LOC728743: variants seen among roughly 807,000 people sequenced by gnomAD.
the LOC728743 span, among the ~76,000 whole-genome samples, chr7:150,408,655 A>G: frequency 6.6e-6 from 1 of 152,192 alleles, no homozygotes; most frequent in Non-Finnish European, 1.5e-5. Flanking sequence ...GTCAGAGTTG[A>G]AAGAGACTTG....
the LOC728743 span, chr7:150,404,896 C>G: frequency 6.6e-6 from 1 of 152,322 alleles, no homozygotes; most frequent in African/African-American, 2.4e-5. Flanking sequence ...TCGCCCAGGG[C>G]CGCTCCGCCG....
At chr7:150,402,384 C>G in the LOC728743 span, among the ~76,000 whole-genome samples, 1 of 152,218 alleles carries the variant, frequency 6.6e-6, no homozygotes, top group Non-Finnish European at 1.5e-5. Context: ...GCAGCTTTGC[C>G]TGCACCTCCT....
chr7:150,408,382 C>T, the LOC728743 span: 2 of 361,996 alleles, frequency 5.5e-6, no homozygotes, highest in African/African-American at 2.1e-5. Context: ...CGCCAGGCTC[C>T]GGCCGCCCGC....
At chr7:150,406,678 G>A in the LOC728743 span, among the ~76,000 whole-genome samples, 1 of 152,142 alleles carries the variant, frequency 6.6e-6, no homozygotes, top group South Asian at 2.1e-4. Context: ...CAATTTAAGA[G>A]GAACACAGTG....
chr7:150,404,320 A>G, the LOC728743 span, among the ~76,000 whole-genome samples: 1 of 152,138 alleles, frequency 6.6e-6, no homozygotes, highest in East Asian at 1.9e-4. Context: ...CCCTGTCGTC[A>G]CACACTATTT....
chr7:150,409,822 C>T, the LOC728743 span, among the ~76,000 whole-genome samples: 2 of 152,138 alleles, frequency 1.3e-5, no homozygotes, highest in African/African-American at 2.4e-5. Context: ...CCCCTCTGCC[C>T]ATCCTCAGTG....
At chr7:150,409,140 A>AGGGG in the LOC728743 span, among the ~76,000 whole-genome samples, 2 of 112,106 alleles carry the variant, frequency 1.8e-5, no homozygotes, top group East Asian at 5.5e-4. Flanking sequence ...GGTGTTTTCA[A>AGGGG]GGGAGGGGGG....
chr7:150,405,187 A>C, the LOC728743 span: 1 of 152,152 alleles, frequency 6.6e-6, no homozygotes, highest in Admixed American at 6.5e-5. Context: ...CAGCGCTGGC[A>C]GCCCCGTTTT....
chr7:150,403,049 A>C, the LOC728743 span, among the ~76,000 whole-genome samples: 2 of 152,184 alleles, frequency 1.3e-5, no homozygotes, highest in African/African-American at 4.8e-5. The surrounding 1 kb of genome is among the most constrained non-coding windows in gnomAD (Gnocchi z 5.1). Flanking sequence ...CTGTCAGAAT[A>C]GTGGTGATCC....
chr7:150,406,436 A>AG, the LOC728743 span, among the ~76,000 whole-genome samples: 1 of 152,040 alleles, frequency 6.6e-6, no homozygotes. Flanking sequence ...GGATGGTGGC[A>AG]GTGGGGGGTG....
At chr7:150,404,886 T>A in the LOC728743 span, 1 of 152,274 alleles carries the variant, frequency 6.6e-6, no homozygotes, top group African/African-American at 2.4e-5. Flanking sequence ...CCTGAAACCC[T>A]CGCCCAGGGC....
At chr7:150,407,529 TC>T in the LOC728743 span, 3 of 398,198 alleles carry the variant, frequency 7.5e-6, no homozygotes, top group African/African-American at 2.1e-5. Context: ...ACCCTCGTGT[TC>T]CCCGACCCCT....
the LOC728743 span, chr7:150,410,459 G>A: frequency 2.8e-6 from 1 of 356,922 alleles, no homozygotes; most frequent in African/African-American, 2.1e-5. Flanking sequence ...TCTGCCACTG[G>A]TGGTAGGACG....
chr7:150,401,393 C>A, the LOC728743 span, among the ~76,000 whole-genome samples: 1 of 152,106 alleles, frequency 6.6e-6, no homozygotes, highest in Non-Finnish European at 1.5e-5. Context: ...TAGCACAGGC[C>A]GAGGGAGAGG....
At chr7:150,408,837 T>C in the LOC728743 span, among the ~76,000 whole-genome samples, 1 of 152,194 alleles carries the variant, frequency 6.6e-6, no homozygotes, top group Admixed American at 6.5e-5. Context: ...ATATTGCAGC[T>C]ACTGGATGAG....
the LOC728743 span, among the ~76,000 whole-genome samples, chr7:150,402,949 C>T: frequency 0.015 from 2,239 of 152,288 alleles, 62 homozygotes; most frequent in African/African-American, 0.05. Context: ...TCTACCCACA[C>T]GGGAGCCATG....
At chr7:150,402,262 A>C in the LOC728743 span, among the ~76,000 whole-genome samples, 21 of 152,354 alleles carry the variant, frequency 1.4e-4, no homozygotes, top group African/African-American at 5.1e-4. Context: ...GTCATAGGTC[A>C]CATCCTGGGT....
chr7:150,410,033 C>T, the LOC728743 span: 1 of 397,804 alleles, frequency 2.5e-6, no homozygotes, highest in Non-Finnish European at 4.4e-6. Context: ...AAAGAGGATT[C>T]ATTCAAACCC....
chr7:150,407,725 C>A, the LOC728743 span: 6 of 399,628 alleles, frequency 1.5e-5, no homozygotes, highest in Non-Finnish European at 2.6e-5. Context: ...AGCCCTACCG[C>A]TGCCCGCTGT....
Sources: allele counts gnomAD v4.1 joint callset (sites outside exome capture counted in the v4.1 genomes callset), GRCh38; gene constraint gnomAD v4.1.1; non-coding constraint Gnocchi (gnomAD v3.1); transcripts MANE v1.5.